The following PLCH2 variants were observed in gnomAD, a reference collection of about 807,000 sequenced individuals.
The protein encoded by PLCH2 is 1-phosphatidylinositol 4,5-bisphosphate phosphodiesterase eta-2.
Under a neutral mutation model 134.7 loss-of-function variants are expected in PLCH2, and 98 were observed. That is an observed-to-expected ratio of 0.73 (90% CI 0.62 to 0.86). The LOEUF is 0.86. Among genes scored for constraint, PLCH2 ranks in the 40% least tolerant of loss-of-function variants. The pLI, the probability that PLCH2 is intolerant of heterozygous loss-of-function variation, is 0.00. For missense variants in PLCH2, 1,994 were observed against 1,986.6 expected (o/e 1.00, Z -0.07); for synonymous variants, 974 against 827.5 (o/e 1.18, Z -3.04).
the PLCH2 span, among the ~76,000 whole-genome samples, chr1:2,418,707 C>T: frequency 1.3e-5 from 2 of 152,242 alleles, no homozygotes; most frequent in Admixed American, 6.5e-5. Flanking sequence ...TGAGCCTGCC[C>T]GCCTGCCTCC....
intron 15 of PLCH2, 66 bp downstream of exon 15, chr1:2,497,076 A>G: frequency 6.6e-7 from 1 of 1,508,990 alleles, no homozygotes; most frequent in Non-Finnish European, 9.0e-7. Flanking sequence ...CCTGAAGCCC[A>G]AGGGGCGAGC....
intron 7 of PLCH2, 57 bp from the exon 8 acceptor site, chr1:2,487,541 T>A (rs923759866): frequency 5.1e-6 from 8 of 1,576,828 alleles, no homozygotes; most frequent in Non-Finnish European, 6.9e-6. Context: ...AAGCTCAGCC[T>A]GCCTGGGCTC....
At chr1:2,471,448 C>T (rs1191999219), upstream of PLCH2, among the ~76,000 whole-genome samples, 1 of 152,234 alleles carries the variant, frequency 6.6e-6, no homozygotes, top group African/African-American at 2.4e-5. Flanking sequence ...CCAGTGGCCT[C>T]AAGTTCCTGC....
In PLCH2 at chr1:2,505,231, C is replaced by A; in HGVS notation, c.*18C>A. On this transcript the variant is annotated 3_prime_UTR_variant, in exon 22 of 22. Transcript: ENST00000378486. ...GCCTCTGACCGTCAGTGGTGGGAAC[C>A]TGGGCGGCTCTGGAGGCCCAGGGCA... is the stretch of plus-strand genomic sequence containing the variant. 1.9e-6 allele frequency: 3 copies of A among 1,545,358 alleles called. No homozygotes were observed. The highest frequency in any genetic ancestry group is 1.7e-6 in the Non-Finnish European group (2 of 1,152,468).
chr1:2,464,124 G>A (rs2477690), upstream of PLCH2, among the ~76,000 whole-genome samples: 45,883 of 152,198 alleles, frequency 0.3, 7,103 homozygotes, highest in Admixed American at 0.38. Flanking sequence ...GCGGCACAGG[G>A]TGCTGCCCAC....
In PLCH2 at chr1:2,498,152, C is replaced by T; in HGVS notation, c.2225-371C>T. On this transcript the variant is annotated intron_variant, in intron 16 of 21. Coordinates refer to ENST00000378486, the MANE Select transcript of PLCH2 (RefSeq NM_014638.4). This position sits in a 1 kb window ranked among gnomAD's most constrained non-coding sequence, Gnocchi z 5.4. ...ACTCCTGCTGTGGACCAGCTACTTC[C>T]ACCTCTGCCCTTGGCTTGCCCTCCT... is the stretch of plus-strand genomic sequence containing the variant. The T allele has an allele frequency of 3.5e-6, 1 of 285,926 alleles. No individual in the cohort carries two copies. Among genetic ancestry groups the T allele is most frequent in the Admixed American group, 4.8e-5 (1 of 20,778 alleles). 17.7% of individuals were successfully genotyped at this position (285,926 alleles called of 1,614,324 possible).
At position 2,504,889 on chromosome 1, in the gene PLCH2, C is replaced by G. The variant is rs1415732077; in HGVS notation, c.3927C>G (p.Phe1309Leu). 6.3e-7 allele frequency: 1 copy of G among 1,589,216 alleles called. No individual in the cohort carries two copies. Among genetic ancestry groups the G allele is most frequent in the Non-Finnish European group, 8.6e-7 (1 of 1,167,384 alleles). The change falls in exon 22 of 22, where the codon TTC (phenylalanine) becomes TTG (leucine). Residue 1309 changes from phenylalanine to leucine, a missense_variant. Coordinates refer to ENST00000378486, the MANE Select transcript of PLCH2 (RefSeq NM_014638.4). ...AGCAGCTGCGCTGGCTCACTGTCTT[C>G]CAGCAGGCAGGAGACATCACGTCAC... ...LTEQLRWLTV[F>L]QQAGDITSPT...
intron 11 of PLCH2, 65 bp from the exon 12 acceptor site, chr1:2,494,791 G>A (rs1642785149): frequency 1.6e-6 from 2 of 1,229,078 alleles, no homozygotes; most frequent in Admixed American, 3.9e-5. Flanking sequence ...ACCAGGGGCT[G>A]TCCCGGCCTC....
chr1:2,438,950 G>A (rs1639563117), intron 2 of PLCH2, among the ~76,000 whole-genome samples: 1 of 152,216 alleles, frequency 6.6e-6, no homozygotes, highest in African/African-American at 2.4e-5. Context: ...GCCCTGCCCA[G>A]GGATCTGGAT....
At chr1:2,487,494 C>T (rs971183235) in intron 7 of PLCH2, 104 bp from the exon 8 acceptor site, 1 of 1,492,880 alleles carries the variant, frequency 6.7e-7, no homozygotes, top group South Asian at 1.3e-5. Flanking sequence ...TCTTCTGTGT[C>T]CCTCACTGAG....
intron 2 of PLCH2, among the ~76,000 whole-genome samples, chr1:2,434,839 A>T (rs183417311): frequency 6.6e-6 from 1 of 151,684 alleles, no homozygotes; most frequent in East Asian, 1.9e-4. Flanking sequence ...CGTGGAAACC[A>T]CCCCCGGGCA....
intron 1 of PLCH2, among the ~76,000 whole-genome samples, chr1:2,428,576 C>T (rs895949617): frequency 2.6e-5 from 4 of 152,266 alleles, no homozygotes; most frequent in Admixed American, 1.3e-4. Context: ...TTGCGGCAGC[C>T]GACGTGGCGT....
the PLCH2 span, among the ~76,000 whole-genome samples, chr1:2,416,413 G>A: frequency 1.3e-5 from 2 of 152,214 alleles, no homozygotes; most frequent in South Asian, 2.1e-4. Flanking sequence ...TGTAGGGTGC[G>A]GCCCTCGGGA....
chr1:2,487,602 C>T lies in PLCH2; in HGVS notation c.1119C>T (p.Asp373=). ...CCAAGGCCTGCCCGCCTGCAGTGGA[C>T]TGCTGGGATGGGCCCGACGGGGAGC... ...LQAGCRCVEV[D]CWDGPDGEPI... is the part of the protein sequence containing the mutation. The change falls in exon 8 of 22, where the codon GAC becomes GAT. Residue 373 remains aspartate (D), a synonymous_variant. Transcript: ENST00000378486. The T allele has an allele frequency of 2.5e-6, 4 of 1,612,434 alleles. No individual in the cohort carries two copies. Among genetic ancestry groups the T allele is most frequent in the Non-Finnish European group, 3.4e-6 (4 of 1,179,534 alleles).
chr1:2,486,603 C>T (rs1642298915), intron 5 of PLCH2, among the ~76,000 whole-genome samples: 1 of 152,352 alleles, frequency 6.6e-6, no homozygotes, highest in Admixed American at 6.5e-5. Context: ...CTGTACCCAC[C>T]CACACATGGC....
upstream of PLCH2, among the ~76,000 whole-genome samples, chr1:2,463,038 A>AGCC (rs2100594603): frequency 6.6e-6 from 1 of 152,316 alleles, no homozygotes; most frequent in South Asian, 2.1e-4. Context: ...TGTCTCTCCC[A>AGCC]GCCGCAGAGC....
rs760039989 is a variant in PLCH2, at chr1:2,478,609, C to T, written c.258C>T (p.Asn86=). The change falls in exon 2 of 22, where the codon AAC becomes AAT. Residue 86 remains asparagine, a synonymous_variant. Transcript: ENST00000378486. ...TCCGCTGGAGGCCCTCACGCAAGAA[C>T]GAGAAGGCCAAGAGTGAGTGGGAGC... ...SCIRWRPSRK[N]EKAKISIDSI... 27 of 1,610,228 alleles carry T rather than the reference C, an allele frequency of 1.7e-5. No individual in the cohort carries two copies. The highest frequency in any genetic ancestry group is 4.4e-5 in the South Asian group (4 of 90,478).
the PLCH2 span, among the ~76,000 whole-genome samples, chr1:2,415,946 C>T: frequency 1.4e-4 from 21 of 152,376 alleles, no homozygotes; most frequent in African/African-American, 4.3e-4. Flanking sequence ...CTCCGCTAAA[C>T]CCAGTTCCGG....
chr1:2,473,027 T>C (rs1272656286), upstream of PLCH2, among the ~76,000 whole-genome samples: 1 of 152,134 alleles, frequency 6.6e-6, no homozygotes, highest in Non-Finnish European at 1.5e-5. Flanking sequence ...CCCTTGTTGA[T>C]GACAGCCGCG....
Sources: allele counts gnomAD v4.1 joint callset (sites outside exome capture counted in the v4.1 genomes callset), GRCh38; gene constraint gnomAD v4.1.1; non-coding constraint Gnocchi (gnomAD v3.1); transcripts MANE v1.5; gene names NCBI Gene and HGNC (gene_info 2026-07-23, HGNC 2026-07-21).